AMOTL1: variants seen among roughly 807,000 people sequenced by gnomAD.
AMOTL1 encodes angiomotin like 1.
In AMOTL1, 45 loss-of-function variants were observed where a neutral mutation model predicts 102.9. That is an observed-to-expected ratio of 0.44 (90% CI 0.34 to 0.56). AMOTL1 has a LOEUF of 0.56. Ranked by LOEUF, AMOTL1 falls within the 20% of genes least tolerant of loss-of-function variation. The pLI is 0.01. For synonymous variants in AMOTL1, 481 were observed against 484.7 expected, an observed-to-expected ratio of 0.99 and a Z score of 0.10; for missense variants, 1,114 against 1,225.6, an observed-to-expected ratio of 0.91 and a Z score of 1.36.
At chr11:94,838,532 A>G (rs1952229071) in intron 6 of AMOTL1, among the ~76,000 whole-genome samples, 1 of 152,188 alleles carries the variant, frequency 6.6e-6, no homozygotes, top group African/African-American at 2.4e-5. Context: ...CTGTTCTAAT[A>G]AAAACCTTAT....
intron 11 of AMOTL1, chr11:94,866,462 G>A (rs1471660371): frequency 5.0e-6 from 2 of 402,154 alleles, no homozygotes; most frequent in African/African-American, 4.1e-5. Flanking sequence ...TCATAGAAAA[G>A]CCTAGAGACA....
intron 2 of AMOTL1, among the ~76,000 whole-genome samples, chr11:94,795,532 A>G (rs1244108784): frequency 2.0e-5 from 3 of 152,058 alleles, no homozygotes; most frequent in Admixed American, 2.0e-4. Flanking sequence ...AATAATTTAG[A>G]AGTTAAAAGA....
intron 3 of AMOTL1, among the ~76,000 whole-genome samples, chr11:94,756,985 C>T (rs893213378): frequency 4.2e-5 from 2 of 47,260 alleles, no homozygotes; most frequent in Non-Finnish European, 9.5e-5. Flanking sequence ...AAATACCTAA[C>T]CTAGCCCATT....
At position 94,799,149 on chromosome 11, in the gene AMOTL1, T is replaced by A. The variant is rs1046490733; in HGVS notation, c.200-241T>A. Among the ~76,000 whole-genome samples the A allele has an allele frequency of 2.0e-5, 3 of 150,388 alleles. No homozygotes were observed. Among genetic ancestry groups the A allele is most frequent in the African/African-American group, 7.4e-5 (3 of 40,784 alleles). ...GGGGAGATTAGAGAAAAGGGAGGGG[T>A]TGAAGGATGGAACAATGTTTAAGAG... On this transcript the variant is annotated intron_variant, in intron 2 of 12. Coordinates refer to ENST00000433060, the MANE Select transcript of AMOTL1 (RefSeq NM_130847.3). The surrounding 1 kb of genome is among the most constrained non-coding windows in gnomAD (Gnocchi z 4.5).
chr11:94,780,519 A>G (rs1341900372), intron 1 of AMOTL1, among the ~76,000 whole-genome samples: 1 of 152,228 alleles, frequency 6.6e-6, no homozygotes, highest in Non-Finnish European at 1.5e-5. Context: ...ACAAAACTCT[A>G]AAAGCTTTCA....
At chr11:94,728,981 G>T (rs1475724016) in exon 2 of AMOTL1, 1 of 1,289,078 alleles carries the variant, frequency 7.8e-7, no homozygotes, top group Admixed American at 2.3e-5. Context: ...ATGGACCTCA[G>T]TGAAAAATGG....
At chr11:94,805,906 C>G (rs576326164) in intron 3 of AMOTL1, among the ~76,000 whole-genome samples, 2 of 152,320 alleles carry the variant, frequency 1.3e-5, no homozygotes, top group South Asian at 2.1e-4. Flanking sequence ...TGTCCCAGGA[C>G]AGCCATCACC....
At chr11:94,782,660 CAGTTGTTG>C (rs1951129989) in intron 1 of AMOTL1, among the ~76,000 whole-genome samples, 1 of 152,110 alleles carries the variant, frequency 6.6e-6, no homozygotes, top group East Asian at 1.9e-4. Flanking sequence ...AAGAAAATGC[CAGTTGTTG>C]AGTTTTGGTG....
chr11:94,872,663 CACTG>C lies in AMOTL1; in HGVS notation c.*1869_*1872del, dbSNP rs1953022357. ...CTCTGGGGCTCTGCTTGGCCATAGG[CACTG>C]CACATTGTGCCACCTGCTCATCACC... On this transcript the variant is annotated 3_prime_UTR_variant, in exon 13 of 13. Transcript: ENST00000433060. 1 of 152,266 alleles carries C rather than the reference CACTG, an allele frequency of 6.6e-6. No homozygotes were observed. The highest frequency in any genetic ancestry group is 6.5e-5 in the Admixed American group (1 of 15,292). 9.4% of individuals were successfully genotyped at this position (152,266 alleles called of 1,614,324 possible). A position where few individuals can be genotyped will look rare whatever the true frequency, so the allele number is the denominator to read the frequency against.
At chr11:94,773,333 A>G (rs1356562645) in intron 1 of AMOTL1, among the ~76,000 whole-genome samples, 1 of 152,198 alleles carries the variant, frequency 6.6e-6, no homozygotes, top group South Asian at 2.1e-4. Flanking sequence ...GTTTTCTTCT[A>G]AAAGTTTTAT....
Position 94,799,427 on chromosome 11 carries a change from C to T in AMOTL1, c.237C>T (p.Phe79=), listed in dbSNP as rs768805486. Residue 79 remains phenylalanine (F), a synonymous_variant, in exon 3 of 13, where the codon TTC becomes TTT. Coordinates refer to ENST00000433060, the MANE Select transcript of AMOTL1 (RefSeq NM_130847.3). This position sits in a 1 kb window ranked among gnomAD's most constrained non-coding sequence, Gnocchi z 4.5. ...TTTGTAACTTCCACTCCCCAAACTT[C>T]CTGAGGATCTCAGAGGTGGAAATGA... ...DPLCNFHSPN[F]LRISEVEMRG... The T allele has an allele frequency of 2.5e-6, 4 of 1,593,602 alleles. No individual in the cohort carries two copies. The highest frequency in any genetic ancestry group is 3.4e-6 in the Non-Finnish European group (4 of 1,169,204).
At chr11:94,801,196 A>C (rs755099210) in intron 3 of AMOTL1, among the ~76,000 whole-genome samples, 2 of 152,166 alleles carry the variant, frequency 1.3e-5, no homozygotes, top group Non-Finnish European at 2.9e-5. Flanking sequence ...TTGAAGGATA[A>C]ATCAGAGTTG....
intron 4 of AMOTL1, among the ~76,000 whole-genome samples, chr11:94,823,551 T>A (rs1328014676): frequency 1.3e-5 from 2 of 152,238 alleles, no homozygotes; most frequent in South Asian, 4.2e-4. Flanking sequence ...GACCTCTTTC[T>A]TCTCTCCTAA....
chr11:94,723,229 T>C (rs1396206513), intron 1 of AMOTL1, among the ~76,000 whole-genome samples: 2 of 152,072 alleles, frequency 1.3e-5, no homozygotes, highest in African/African-American at 4.8e-5. Flanking sequence ...AGGAGACAAC[T>C]TCTAATGGAA....
chr11:94,781,840 A>T (rs1341865051), intron 1 of AMOTL1, among the ~76,000 whole-genome samples: 2 of 151,728 alleles, frequency 1.3e-5, no homozygotes, highest in Non-Finnish European at 2.9e-5. Flanking sequence ...TCTCAAAAAG[A>T]AGAAAAAAAA....
chr11:94,814,447 ACTG>A (rs1379584148), intron 3 of AMOTL1, among the ~76,000 whole-genome samples: 1 of 152,248 alleles, frequency 6.6e-6, no homozygotes, highest in East Asian at 1.9e-4. Context: ...CCTTGGCTCC[ACTG>A]CTCAGCCAGC....
rs373346225 is a variant in AMOTL1, at chr11:94,875,459, A to G, written c.*4664A>G. 87 of 152,328 alleles carry G rather than the reference A, an allele frequency of 5.7e-4. No homozygotes were observed. The highest frequency in any genetic ancestry group is 2.0e-3 in the African/African-American group (82 of 41,564). The allele number at this position is 152,328 out of a possible 1,614,324, so 9.4% of individuals were successfully genotyped here. A position where few individuals can be genotyped will look rare whatever the true frequency, so the allele number is the denominator to read the frequency against. On this transcript the variant is annotated 3_prime_UTR_variant, in exon 13 of 13. Transcript: ENST00000433060. ...TTCTTTTCCTAACATACAGAAGATC[A>G]AAGTGTTCATCTCACCCCGCCCTCC...
chr11:94,820,578 C>T (rs1951846005), intron 3 of AMOTL1, among the ~76,000 whole-genome samples: 1 of 152,146 alleles, frequency 6.6e-6, no homozygotes, highest in Admixed American at 6.5e-5. Flanking sequence ...CAGACAATCG[C>T]GGGGTTGGAG....
rs986479817 is a variant in AMOTL1, at chr11:94,876,131, A to T, written c.*5336A>T. On this transcript the variant is annotated 3_prime_UTR_variant, in exon 13 of 13. Coordinates refer to ENST00000433060, the MANE Select transcript of AMOTL1 (RefSeq NM_130847.3). ...GTGTTTACATGTGATTGTGCCTAGG[A>T]GTCTGTTCACATAGAGACACCTGTA... is the stretch of plus-strand genomic sequence containing the variant. The T allele has an allele frequency of 3.3e-5, 5 of 152,782 alleles. No homozygotes were observed. The South Asian group carries it at 8.3e-4, about 25-fold the overall frequency. The allele number at this position is 152,782 out of a possible 1,614,324, so 9.5% of individuals were successfully genotyped here.
Sources: allele counts gnomAD v4.1 joint callset (sites outside exome capture counted in the v4.1 genomes callset), GRCh38; gene constraint gnomAD v4.1.1; non-coding constraint Gnocchi (gnomAD v3.1); transcripts MANE v1.5; gene names NCBI Gene and HGNC (gene_info 2026-07-23, HGNC 2026-07-21).